The following UBA7 variants were observed in gnomAD, a reference collection of about 807,000 sequenced individuals.
UBA7 encodes ubiquitin like modifier activating enzyme 7.
Under a neutral mutation model 113.0 loss-of-function variants are expected in UBA7, and 88 were observed. The ratio of observed to expected loss-of-function variants is 0.78; its 90% CI spans 0.66 to 0.93. UBA7 has a LOEUF of 0.93. Ranked by LOEUF, UBA7 falls within the 40% of genes least tolerant of loss-of-function variation. UBA7 has a pLI of 0.00. For synonymous variants in UBA7, 459 were observed against 513.0 expected, an observed-to-expected ratio of 0.89 and a Z score of 1.42; for missense variants, 1,092 against 1,266.4, an observed-to-expected ratio of 0.86 and a Z score of 2.09.
chr3:49,806,530 C>G (rs1173364593), intron 21 of UBA7, among the ~76,000 whole-genome samples: 1 of 152,092 alleles, frequency 6.6e-6, no homozygotes, highest in East Asian at 1.9e-4. Context: ...GGGGGCACAT[C>G]CTGTCCCCCA....
At position 49,813,513 on chromosome 3, in the gene UBA7, G is replaced by T; in HGVS notation, c.191C>A (p.Pro64His). The T allele has an allele frequency of 1.2e-6, 2 of 1,613,972 alleles. No homozygotes were observed. Among genetic ancestry groups the T allele is most frequent in the South Asian group, 1.1e-5 (1 of 91,084 alleles). The change falls in exon 2 of 24, where the codon CCC (proline) becomes CAC (histidine). Residue 64 changes from proline (P) to histidine (H), a missense_variant. Pro to His is a moderately conservative substitution (Grantham distance 77). This residue lies in a region of UBA7 where 584 missense variants were observed against 714.5 expected (regional missense o/e 0.82). Transcript: ENST00000333486. ...CAGGTCGGACCAGCAGGTGGGGTGGGGATCATGCAGAGTGAGGCTGCCCAC... is the reference window on the plus strand; with the variant it reads ...CAGGTCGGACCAGCAGGTGGGGTGGTGATCATGCAGAGTGAGGCTGCCCAC... ...MGVGSLTLHD[P>H]HPTCWSDLAA...
At chr3:49,808,579 G>T in intron 18 of UBA7, 111 bp from the exon 19 acceptor site, 1 of 1,161,866 alleles carries the variant, frequency 8.6e-7, no homozygotes, top group Non-Finnish European at 1.2e-6. Flanking sequence ...ACTATTCCCT[G>T]ATCAAATCAA....
chr3:49,812,477 C>G lies in UBA7; in HGVS notation c.625G>C (p.Val209Leu). Residue 209 changes from valine (V) to leucine (L), a missense_variant, in exon 6 of 24, where the codon GTG becomes CTG. Val to Leu is a conservative substitution (Grantham distance 32, BLOSUM62 1). Transcript: ENST00000333486. The part of the protein sequence containing the change: ...NTHYFRDGDL[V>L]TFSGIEGMVE... ...ATTCCCTCAATTCCCGAGAAAGTCA[C>G]CAAGTCTCCATCACGGAAGTAGTGG... 1 of 1,614,204 alleles carries G rather than the reference C, an allele frequency of 6.2e-7. No homozygotes were observed. Among genetic ancestry groups the G allele is most frequent in the Middle Eastern group, 1.6e-4 (1 of 6,062 alleles).
In UBA7 at chr3:49,810,223, G is replaced by T. The variant is rs1305624968; in HGVS notation, c.1633+40C>A. On this transcript the variant is annotated intron_variant, in intron 13 of 23. Coordinates refer to ENST00000333486, the MANE Select transcript of UBA7 (RefSeq NM_003335.3). The surrounding 1 kb of genome is among the most constrained non-coding windows in gnomAD (Gnocchi z 5.6). ...GTGGGTCAGAAGTGGGACTGGCACA[G>T]CTGTGGGCAAGGGACTGACCTCCGA... 5 of 1,612,974 alleles carry T rather than the reference G, an allele frequency of 3.1e-6. No homozygotes were observed. Among genetic ancestry groups the T allele is most frequent in the Non-Finnish European group, 4.2e-6 (5 of 1,179,374 alleles).
Position 49,810,848 on chromosome 3 carries a change from G to A in UBA7, c.1231-16C>T, listed in dbSNP as rs375985745. 104 of 1,613,970 alleles carry A rather than the reference G, an allele frequency of 6.4e-5. No individual in the cohort carries two copies. The Middle Eastern group carries it at 6.6e-4, about 10-fold the overall frequency. ...GGCTGCCTCTCTAGGGGACAGAGAC[G>A]GGGTCAGTGATGGCTACTGGCCTGC... On this transcript the variant is annotated splice_polypyrimidine_tract_variant and intron_variant, in intron 10 of 23. Coordinates refer to ENST00000333486, the MANE Select transcript of UBA7 (RefSeq NM_003335.3). This position sits in a 1 kb window ranked among gnomAD's most constrained non-coding sequence, Gnocchi z 5.6.
Position 49,812,401 on chromosome 3 carries a change from G to C in UBA7, c.694+7C>G. On this transcript the variant is annotated splice_region_variant and intron_variant, in intron 6 of 23. Coordinates refer to ENST00000333486, the MANE Select transcript of UBA7 (RefSeq NM_003335.3). ...CTGCACCTGGAATTGGAATGGGATT[G>C]GCTTACCCCGCACGTGGATAGACCG... 6.2e-7 allele frequency: 1 copy of C among 1,614,142 alleles called. No homozygotes were observed.
At position 49,812,673 on chromosome 3, in the gene UBA7, G is replaced by C. The variant is rs370611357; in HGVS notation, c.533C>G (p.Thr178Arg). Residue 178 changes from threonine (T) to arginine (R), a missense_variant, in exon 5 of 24, where the codon ACA (threonine) becomes AGA (arginine). Physicochemically the swap from Thr to Arg is moderately conservative, Grantham distance 71. Coordinates refer to ENST00000333486, the MANE Select transcript of UBA7 (RefSeq NM_003335.3). ...VQDPTEAEPL[T>R]AAIQHISQGS... Reference sequence around the variant, plus strand: ...CTGGGAGATGTGCTGGATGGCAGCTGTCAGGGGTTCTGCCTCTGTGGGGTC... The same window carrying C: ...CTGGGAGATGTGCTGGATGGCAGCTCTCAGGGGTTCTGCCTCTGTGGGGTC... The C allele has an allele frequency of 3.3e-5, 54 of 1,614,106 alleles. No individual in the cohort carries two copies. In the South Asian group the frequency reaches 4.9e-4, roughly 15 times the overall value.
In UBA7 at chr3:49,813,716, C is replaced by G. The variant is rs368816369; in HGVS notation, c.56+16G>C. ...TGAAGACCATCCCACTCTCCACCCC[C>G]CACCTCGGGCCTCACAGCTGTCTTG... is the stretch of plus-strand genomic sequence containing the variant. On this transcript the variant is annotated intron_variant, in intron 1 of 23. Coordinates refer to ENST00000333486, the MANE Select transcript of UBA7 (RefSeq NM_003335.3). 8.0e-5 allele frequency: 129 copies of G among 1,614,118 alleles called. No individual in the cohort carries two copies. Among genetic ancestry groups the G allele is most frequent in the Non-Finnish European group, 9.5e-5 (112 of 1,180,046 alleles).
chr3:49,808,617 T>G, intron 18 of UBA7, 149 bp from the exon 19 acceptor site: 1 of 843,638 alleles, frequency 1.2e-6, no homozygotes, highest in Non-Finnish European at 1.8e-6. Context: ...TGCTACAATC[T>G]CCCCTCTAGA....
chr3:49,806,292 G>C (rs977180911), intron 21 of UBA7, 127 bp from the exon 22 acceptor site: 39 of 806,484 alleles, frequency 4.8e-5, no homozygotes, highest in Non-Finnish European at 7.1e-5. Context: ...GTGGGGGGTG[G>C]GGGGGAGGTG....
chr3:49,811,279 C>T lies in UBA7; in HGVS notation c.1116G>A (p.Val372=). The stretch of plus-strand genomic sequence containing the variant: ...CACCTATGCCTCTGCCCACCTTCAG[C>T]ACTTCCTGGGCAGCTACTGCACCCA... ...AMLGAVAAQE[V]LKAISRKFMP... The change falls in exon 9 of 24, where the codon GTG becomes GTA. Residue 372 remains valine, a synonymous_variant. Coordinates refer to ENST00000333486, the MANE Select transcript of UBA7 (RefSeq NM_003335.3). 6.2e-7 allele frequency: 1 copy of T among 1,614,074 alleles called. No individual in the cohort carries two copies. Among genetic ancestry groups the T allele is most frequent in the Non-Finnish European group, 8.5e-7 (1 of 1,180,004 alleles).
At chr3:49,808,719 CTTTA>C (rs1211481145) in intron 18 of UBA7, among the ~76,000 whole-genome samples, 2 of 152,198 alleles carry the variant, frequency 1.3e-5, no homozygotes, top group Non-Finnish European at 2.9e-5. Context: ...AACCAATGGA[CTTTA>C]TTTATTTACT....
Position 49,807,296 on chromosome 3 carries a change from A to T in UBA7, c.2715+440T>A, listed in dbSNP as rs927974587. Among the ~76,000 whole-genome samples the T allele has an allele frequency of 2.0e-5, 3 of 151,904 alleles. No homozygotes were observed. The East Asian group carries it at 5.8e-4, about 29-fold the overall frequency. On this transcript the variant is annotated intron_variant, in intron 21 of 23. Coordinates refer to ENST00000333486, the MANE Select transcript of UBA7 (RefSeq NM_003335.3). This position sits in a 1 kb window ranked among gnomAD's most constrained non-coding sequence, Gnocchi z 4.0. ...GACACAAATACACTCAGGGCTGCAG[A>T]CCCCACACCTCTAGTGGCAAGCCTA... is the stretch of plus-strand genomic sequence containing the variant.
chr3:49,809,558 T>C lies in UBA7; in HGVS notation c.2072A>G (p.His691Arg), dbSNP rs747086361. Residue 691 changes from histidine to arginine, a missense_variant, in exon 16 of 24, where the codon CAC becomes CGC. By Grantham distance (29) the His-to-Arg change is conservative (BLOSUM62 0). Transcript: ENST00000333486. ...FHYGIKQLLR[H>R]FPPNKVLEDG... ...GCCACACACTTTATTAGGTGGGAAG[T>C]GCCTCAGCAGCTGTTTGATGCCATA... The C allele has an allele frequency of 3.1e-6, 5 of 1,614,076 alleles. No homozygotes were observed. The highest frequency in any genetic ancestry group is 4.2e-6 in the Non-Finnish European group (5 of 1,180,026).
At position 49,809,625 on chromosome 3, in the gene UBA7, A is replaced by G. The variant is rs759111122; in HGVS notation, c.2005T>C (p.Cys669Arg). Residue 669 changes from cysteine (C) to arginine (R), a missense_variant, in exon 16 of 24, where the codon TGT becomes CGT. This residue lies in a region of UBA7 where 500 missense variants were observed against 529.3 expected (regional missense o/e 0.94). Coordinates refer to ENST00000333486, the MANE Select transcript of UBA7 (RefSeq NM_003335.3). ...LRVRPQNWQD[C>R]VAWALGHWKL... is the part of the protein sequence containing the mutation. ...CAGTGGCCAAGAGCCCACGCCACAC[A>G]GTCTTGCCAGTTCTGTGGACGCACT... is the stretch of plus-strand genomic sequence containing the variant. 8.1e-6 allele frequency: 13 copies of G among 1,614,108 alleles called. No homozygotes were observed. In the South Asian group the frequency reaches 1.4e-4, roughly 18 times the overall value.
chr3:49,810,699 AG>A lies in UBA7; in HGVS notation c.1312-28del, dbSNP rs1211614661. ...TGTTGGCAGGAACAGCCTTAGCCAGAGGGGCTGGGCTGGCTCTCCCAAAGGC... is the reference window on the plus strand; with the variant it reads ...TGTTGGCAGGAACAGCCTTAGCCAGAGGGCTGGGCTGGCTCTCCCAAAGGC... On this transcript the variant is annotated intron_variant, in intron 11 of 23. Transcript: ENST00000333486. This position sits in a 1 kb window ranked among gnomAD's most constrained non-coding sequence, Gnocchi z 5.6. 2 of 1,614,052 alleles carry A rather than the reference AG, an allele frequency of 1.2e-6. No individual in the cohort carries two copies. Among genetic ancestry groups the A allele is most frequent in the Non-Finnish European group, 1.7e-6 (2 of 1,179,934 alleles).
chr3:49,806,276 C>T, intron 21 of UBA7, 111 bp from the exon 22 acceptor site: 1 of 974,336 alleles, frequency 1.0e-6, no homozygotes, highest in East Asian at 2.6e-5. Flanking sequence ...AAACAGGAGC[C>T]AGGGGGTGGG....
In UBA7 at chr3:49,811,012, A is replaced by T; in HGVS notation, c.1202T>A (p.Leu401His). 6.2e-7 allele frequency: 1 copy of T among 1,614,062 alleles called. No individual in the cohort carries two copies. Among genetic ancestry groups the T allele is most frequent in the Non-Finnish European group, 8.5e-7 (1 of 1,179,982 alleles). The change falls in exon 10 of 24, where the codon CTC becomes CAC. Residue 401 changes from leucine (L) to histidine (H), a missense_variant. Around this residue, in one of 3 missense-constraint regions of UBA7, gnomAD observed 584 missense variants for 714.5 expected, o/e 0.82. Coordinates refer to ENST00000333486, the MANE Select transcript of UBA7 (RefSeq NM_003335.3). ...ALDCLPEDGE[L>H]LPSPEDCALR... Reference sequence around the variant, plus strand: ...GGCACAGTCCTCAGGACTGGGAAGGAGCTCCCCATCTTCCGGAAGACAATC... The same window carrying T: ...GGCACAGTCCTCAGGACTGGGAAGGTGCTCCCCATCTTCCGGAAGACAATC...
In UBA7 at chr3:49,809,816, G is replaced by C. The variant is rs111416468; in HGVS notation, c.1903C>G (p.Gln635Glu). 2 of 1,614,190 alleles carry C rather than the reference G, an allele frequency of 1.2e-6. No individual in the cohort carries two copies. The highest frequency in any genetic ancestry group is 2.2e-5 in the East Asian group (1 of 44,892). Residue 635 changes from glutamine (Q) to glutamate (E), a missense_variant and splice_region_variant, in exon 15 of 24, where the codon CAG (glutamine) becomes GAG (glutamate). Gln to Glu is a conservative substitution (Grantham distance 29). Transcript: ENST00000333486. ...ATCTGCCTCTGTTGGTGGCCTTACTGTTGGTGGTGGTTGATGGTCTCTGCA... is the reference window on the plus strand; with the variant it reads ...ATCTGCCTCTGTTGGTGGCCTTACTCTTGGTGGTGGTTGATGGTCTCTGCA... ...LSAETINHHQ[Q>E]AHTSLADMDE...
Sources: allele counts gnomAD v4.1 joint callset (sites outside exome capture counted in the v4.1 genomes callset), GRCh38; gene constraint gnomAD v4.1.1; regional missense constraint gnomAD v4.1.1; non-coding constraint Gnocchi (gnomAD v3.1); transcripts MANE v1.5; gene names NCBI Gene and HGNC (gene_info 2026-07-23, HGNC 2026-07-21).